The following FGF1 variants were observed in gnomAD, a reference collection of about 807,000 sequenced individuals.
FGF1 encodes the protein fibroblast growth factor 1.
FGF1 carries 9 observed loss-of-function variants against 13.4 expected under a neutral mutation model. That is an observed-to-expected ratio of 0.67 (90% CI 0.40 to 1.17). The LOEUF (loss-of-function observed/expected upper bound fraction) is 1.17. FGF1 is among the 50% of genes most tolerant of loss of function. FGF1 has a pLI of 0.01. For missense variants in FGF1, 156 were observed against 192.7 expected (o/e 0.81, Z 1.13); for synonymous variants, 93 against 79.0 (o/e 1.18, Z -0.94).
At chr5:142,607,820 A>G (rs964775385) in intron 2 of FGF1, among the ~76,000 whole-genome samples, 6 of 152,142 alleles carry the variant, frequency 3.9e-5, no homozygotes, top group African/African-American at 1.2e-4. Context: ...AAACTGCTTC[A>G]CGAGTCCCTG....
chr5:142,689,124 A>G (rs1448612575), upstream of FGF1, among the ~76,000 whole-genome samples: 1 of 152,140 alleles, frequency 6.6e-6, no homozygotes, highest in Non-Finnish European at 1.5e-5. Context: ...GACATTCAAT[A>G]TTTGCCTTAA....
intron 1 of FGF1, among the ~76,000 whole-genome samples, chr5:142,668,342 C>T (rs1770827759): frequency 6.6e-6 from 1 of 152,250 alleles, no homozygotes; most frequent in South Asian, 2.1e-4. Flanking sequence ...ACTTCCATTT[C>T]CTAGGTAAAA....
chr5:142,604,393 C>T (rs1158503302), intron 2 of FGF1, among the ~76,000 whole-genome samples: 3 of 152,086 alleles, frequency 2.0e-5, no homozygotes, highest in African/African-American at 7.2e-5. Context: ...AAGGAAGGGG[C>T]TAACTTTTAT....
At chr5:142,678,011 T>G (rs1193943116) in intron 1 of FGF1, among the ~76,000 whole-genome samples, 4 of 152,112 alleles carry the variant, frequency 2.6e-5, no homozygotes, top group African/African-American at 7.2e-5. Context: ...CCTGAAGAAC[T>G]GGGGGGAAAG....
chr5:142,604,034 C>T (rs1757131195), intron 2 of FGF1, among the ~76,000 whole-genome samples: 2 of 152,130 alleles, frequency 1.3e-5, no homozygotes, highest in African/African-American at 2.4e-5. Flanking sequence ...TTTTATGTTT[C>T]CATTTAAATG....
In FGF1 at chr5:142,663,736, C is replaced by T. The variant is rs150261908; in HGVS notation, c.-35+22221G>A. Among the ~76,000 whole-genome samples the T allele has an allele frequency of 7.9e-5, 12 of 152,252 alleles. No homozygotes were observed. The East Asian group carries it at 2.1e-3, about 27-fold the overall frequency. On this transcript the variant is annotated intron_variant, in intron 1 of 3. Transcript: ENST00000337706. ...ACCTCTTCGTTCCACCTCTCTCGCC[C>T]CAGATTTCCATCTTAACATGCAGGA...
At chr5:142,648,689 C>CAAAAAAAAAAAAAAAAAA (rs11451715) in intron 1 of FGF1, among the ~76,000 whole-genome samples, 1 of 66,212 alleles carries the variant, frequency 1.5e-5, no homozygotes, top group Non-Finnish European at 2.7e-5. Context: ...CCCCACCAAC[C>CAAAAAAAAAAAAAAAAAA]AAAAAAAAAA....
intron 1 of FGF1, among the ~76,000 whole-genome samples, chr5:142,635,820 A>G (rs1159274709): frequency 6.6e-6 from 1 of 152,232 alleles, no homozygotes; most frequent in Non-Finnish European, 1.5e-5. Context: ...TATTTTTTCT[A>G]CATCAAGATA....
In FGF1 at chr5:142,679,240, G is replaced by A. The variant is rs142507937; in HGVS notation, c.-35+6717C>T. Among the ~76,000 whole-genome samples, 1,189 of 152,096 alleles carry A rather than the reference G, an allele frequency of 7.8e-3. 6 individuals are homozygous for A. The highest frequency in any genetic ancestry group is 0.014 in the Non-Finnish European group (937 of 67,978). ...ACTCAGCCACACTGGCCTTCCTCCC[G>A]CTCCTTGGTGATGCCAGGCTTCCTC... is the stretch of plus-strand genomic sequence containing the variant. On this transcript the variant is annotated intron_variant, in intron 1 of 3. Coordinates refer to ENST00000337706, the MANE Select transcript of FGF1 (RefSeq NM_000800.5).
At chr5:142,675,321 T>G (rs781729648) in intron 1 of FGF1, among the ~76,000 whole-genome samples, 1 of 152,018 alleles carries the variant, frequency 6.6e-6, no homozygotes, top group African/African-American at 2.4e-5. Flanking sequence ...TGGCCTCCCT[T>G]GGTGAAAGGA....
At chr5:142,653,077 A>T (rs997915547) in intron 1 of FGF1, among the ~76,000 whole-genome samples, 1 of 152,194 alleles carries the variant, frequency 6.6e-6, no homozygotes, top group Non-Finnish European at 1.5e-5. Flanking sequence ...CAGCCCAGCC[A>T]GTCATTCATG....
chr5:142,691,346 C>T (rs10050601), intron 2 of FGF1, among the ~76,000 whole-genome samples: 10,529 of 151,514 alleles, frequency 0.069, 621 homozygotes, highest in Middle Eastern at 0.15. Context: ...CACTTGAACC[C>T]GGGAGGTGGA....
intron 1 of FGF1, among the ~76,000 whole-genome samples, chr5:142,647,208 G>A (rs1173071619): frequency 1.3e-5 from 2 of 152,174 alleles, no homozygotes; most frequent in Admixed American, 1.3e-4. Flanking sequence ...TAAAAGCAGA[G>A]CATAAATTTG....
intron 2 of FGF1, among the ~76,000 whole-genome samples, chr5:142,605,616 C>T (rs1757495509): frequency 6.6e-6 from 1 of 152,172 alleles, no homozygotes; most frequent in Non-Finnish European, 1.5e-5. Context: ...CTTCAGCCCT[C>T]AGCCATGAGT....
At chr5:142,634,785 T>C (rs947293307) in intron 1 of FGF1, among the ~76,000 whole-genome samples, 2 of 152,192 alleles carry the variant, frequency 1.3e-5, no homozygotes, top group African/African-American at 4.8e-5. Context: ...TTGTGGATAA[T>C]GGTACTGTTT....
At chr5:142,614,233 G>C in intron 1 of FGF1, 72 bp from the exon 2 acceptor site, 1 of 1,251,480 alleles carries the variant, frequency 8.0e-7, no homozygotes. Context: ...AAGAGAGGAA[G>C]GACAGCTCCA....
At chr5:142,667,585 CAAA>C (rs747487970) in intron 1 of FGF1, among the ~76,000 whole-genome samples, 3 of 62,074 alleles carry the variant, frequency 4.8e-5, no homozygotes, top group Admixed American at 1.7e-4. Context: ...GACTCCGTCT[CAAA>C]AAAAAAAAAA....
upstream of FGF1, among the ~76,000 whole-genome samples, chr5:142,690,532 G>T (rs1321434822): frequency 6.6e-6 from 1 of 152,110 alleles, no homozygotes; most frequent in East Asian, 1.9e-4. Flanking sequence ...ATATGTGTAT[G>T]CTAAAAACAC....
intron 3 of FGF1, among the ~76,000 whole-genome samples, chr5:142,600,304 G>A (rs1253153608): frequency 6.6e-6 from 1 of 152,202 alleles, no homozygotes; most frequent in Non-Finnish European, 1.5e-5. Context: ...CGAGGCTTCA[G>A]TGAGTCATGA....
Sources: allele counts gnomAD v4.1 joint callset (sites outside exome capture counted in the v4.1 genomes callset), GRCh38; gene constraint gnomAD v4.1.1; transcripts MANE v1.5; gene names NCBI Gene and HGNC (gene_info 2026-07-23, HGNC 2026-07-21).